The following PBX1 variants were observed in gnomAD, a reference collection of about 807,000 sequenced individuals.
PBX1 encodes the protein pre-B-cell leukemia transcription factor 1.
A neutral mutation model predicts 53.4 loss-of-function variants in PBX1; 6 were observed. That is an observed-to-expected ratio of 0.11 (90% CI 0.06 to 0.22). The LOEUF (loss-of-function observed/expected upper bound fraction) is 0.22, where lower values mean the gene tolerates loss of function less well. Ranked by LOEUF, PBX1 falls within the 10% of genes least tolerant of loss-of-function variation. PBX1 has a pLI of 1.00. For missense variants in PBX1, 251 were observed against 551.4 expected (o/e 0.46, Z 5.46); for synonymous variants, 204 against 212.3 (o/e 0.96, Z 0.34).
rs182325383 is a variant in PBX1, at chr1:164,697,622, A to C, written c.266-94872A>C. On this transcript the variant is annotated intron_variant, in intron 2 of 8. Coordinates refer to ENST00000420696, the MANE Select transcript of PBX1 (RefSeq NM_002585.4). ...AATTTGTTGCAAAGAAATTATTTGA[A>C]AGGCTCATGCCTTCCCTAGGGGGAC... Among the ~76,000 whole-genome samples the C allele has an allele frequency of 8.8e-4, 134 of 152,340 alleles. 2 individuals are homozygous for C. Among genetic ancestry groups the C allele is most frequent in the African/African-American group, 2.7e-3 (113 of 41,580 alleles).
rs141550882 is a variant in PBX1 at position 164,561,748 on chromosome 1, G to T, written c.192-1490G>T. Among the ~76,000 whole-genome samples the T allele has an allele frequency of 2.0e-3, 297 of 152,248 alleles. 2 individuals are homozygous for T. Among genetic ancestry groups the T allele is most frequent in the Non-Finnish European group, 3.2e-3 (221 of 68,018 alleles). On this transcript the variant is annotated intron_variant, in intron 1 of 8. Coordinates refer to ENST00000420696, the MANE Select transcript of PBX1 (RefSeq NM_002585.4). ...TTTCAATGGCCTAGATGCAGAGAGAGATCAGATACAATTTTGGGATGGGGA... is the reference window on the plus strand; with the variant it reads ...TTTCAATGGCCTAGATGCAGAGAGATATCAGATACAATTTTGGGATGGGGA...
At chr1:164,702,406 A>T (rs1485267589) in intron 2 of PBX1, among the ~76,000 whole-genome samples, 1 of 152,186 alleles carries the variant, frequency 6.6e-6, no homozygotes, top group Non-Finnish European at 1.5e-5. Context: ...GCATTACCTC[A>T]TTCTGGTAGA....
chr1:164,643,277 C>A (rs576811038), intron 2 of PBX1, among the ~76,000 whole-genome samples: 1 of 152,254 alleles, frequency 6.6e-6, no homozygotes, highest in South Asian at 2.1e-4. Flanking sequence ...GCCATTTACT[C>A]TCCAGATTTA....
At chr1:164,752,195 C>G (rs551585131) in intron 2 of PBX1, among the ~76,000 whole-genome samples, 105 of 137,688 alleles carry the variant, frequency 7.6e-4, no homozygotes, top group African/African-American at 2.7e-3. Context: ...CATTTAGACC[C>G]CTTTAAGGTT....
At chr1:164,592,954 A>ATT (rs111642139) in intron 2 of PBX1, among the ~76,000 whole-genome samples, 5 of 139,938 alleles carry the variant, frequency 3.6e-5, no homozygotes, top group African/African-American at 7.7e-5. Context: ...CAATCCTTAG[A>ATT]TTTTTTTTTT....
At chr1:164,713,194 C>G (rs985366847) in intron 2 of PBX1, among the ~76,000 whole-genome samples, 2 of 152,132 alleles carry the variant, frequency 1.3e-5, no homozygotes, top group Non-Finnish European at 2.9e-5. Context: ...TTGGTAAAAC[C>G]TTCAAGGAAA....
Position 164,707,446 on chromosome 1 carries a change from AGAGAGAGAG to A in PBX1, c.266-85047_266-85039del, listed in dbSNP as rs1458056775. On this transcript the variant is annotated intron_variant, in intron 2 of 8. Transcript: ENST00000420696. Reference sequence around the variant, plus strand: ...GAGAGAGAGAGAGAGAGAGAGAGAGAGAGAGAGAGAAAGTGCTGAATCCCCTGTAATCCT... The same window carrying A: ...GAGAGAGAGAGAGAGAGAGAGAGAGAAAAGTGCTGAATCCCCTGTAATCCT... Among the ~76,000 whole-genome samples the A allele has an allele frequency of 7.6e-4, 115 of 151,030 alleles. No individual in the cohort carries two copies. The Middle Eastern group carries it at 0.024, about 31-fold the overall frequency.
At chr1:164,619,676 T>G (rs1195547320) in intron 2 of PBX1, among the ~76,000 whole-genome samples, 1 of 152,080 alleles carries the variant, frequency 6.6e-6, no homozygotes, top group African/African-American at 2.4e-5. Context: ...AAAATTAGCC[T>G]AGATACACAC....
chr1:164,571,871 TTGTATATATATATATATATATATATATA>T (rs1653883968), intron 2 of PBX1, among the ~76,000 whole-genome samples: 1 of 59,962 alleles, frequency 1.7e-5, no homozygotes, highest in Non-Finnish European at 3.2e-5. Context: ...AATCTGTACA[TTGTATATATATATATATATATATATATA>T]TATATATATA....
intron 2 of PBX1, among the ~76,000 whole-genome samples, chr1:164,786,852 G>A (rs1191652715): frequency 2.0e-5 from 3 of 152,032 alleles, no homozygotes; most frequent in Non-Finnish European, 4.4e-5. Context: ...GTTCAGTGTC[G>A]GCTGTGTCTC....
intron 2 of PBX1, among the ~76,000 whole-genome samples, chr1:164,735,300 GTA>G (rs1445688836): frequency 6.6e-6 from 1 of 152,182 alleles, no homozygotes; most frequent in Admixed American, 6.5e-5. Flanking sequence ...TAAGTTATAT[GTA>G]TTATGCGTCT....
At chr1:164,694,902 T>G (rs973560541) in intron 2 of PBX1, among the ~76,000 whole-genome samples, 1 of 152,198 alleles carries the variant, frequency 6.6e-6, no homozygotes, top group Admixed American at 6.5e-5. Flanking sequence ...AGTATTGACC[T>G]CTTGACTGGT....
chr1:164,564,072 T>G (rs950808920), intron 2 of PBX1: 1 of 152,124 alleles, frequency 6.6e-6, no homozygotes, highest in Non-Finnish European at 1.5e-5. Flanking sequence ...GACATCCCCT[T>G]GTTTATTTTA....
At chr1:164,881,893 C>T (rs1450312599) in intron 2 of PBX1, among the ~76,000 whole-genome samples, 1 of 152,164 alleles carries the variant, frequency 6.6e-6, no homozygotes, top group Non-Finnish European at 1.5e-5. Context: ...TTAGCAGCAG[C>T]TCACTCCAAT....
chr1:164,885,616 C>T (rs1210696045), intron 2 of PBX1, among the ~76,000 whole-genome samples: 3 of 152,150 alleles, frequency 2.0e-5, no homozygotes, highest in East Asian at 1.9e-4. Context: ...ATCCTGGCTC[C>T]GTCTTCAAGC....
chr1:164,670,444 C>T (rs1363757148), intron 2 of PBX1, among the ~76,000 whole-genome samples: 1 of 152,192 alleles, frequency 6.6e-6, no homozygotes, highest in Non-Finnish European at 1.5e-5. Flanking sequence ...AGCTATCCCT[C>T]CTTCCTTTCC....
chr1:164,708,511 C>T (rs1273401376), intron 2 of PBX1, among the ~76,000 whole-genome samples: 2 of 152,152 alleles, frequency 1.3e-5, no homozygotes, highest in African/African-American at 2.4e-5. Flanking sequence ...ATAATGAACA[C>T]AGCACTCAAG....
chr1:164,858,224 T>A (rs1571536843), intron 2 of PBX1, among the ~76,000 whole-genome samples: 1 of 152,260 alleles, frequency 6.6e-6, no homozygotes, highest in Non-Finnish European at 1.5e-5. Flanking sequence ...AAAAAGATAC[T>A]GATTCCATTT....
At chr1:164,793,289 A>G (rs138694991) in intron 3 of PBX1, among the ~76,000 whole-genome samples, 82 of 152,288 alleles carry the variant, frequency 5.4e-4, no homozygotes, top group African/African-American at 1.9e-3. Flanking sequence ...CCTCTTTTAC[A>G]TAATATATGG....
Sources: gnomAD v4.1 joint callset for allele counts (sites outside exome capture counted in the v4.1 genomes callset) on GRCh38, gnomAD v4.1.1 for gene constraint, MANE v1.5 for transcripts, NCBI Gene and HGNC (gene_info 2026-07-23, HGNC 2026-07-21) for gene names.